SNX29: variants seen among roughly 807,000 people sequenced by gnomAD.
The protein encoded by SNX29 is sorting nexin 29.
In SNX29, 78 loss-of-function variants were observed where a neutral mutation model predicts 102.1. The ratio of observed to expected loss-of-function variants is 0.76; its 90% CI spans 0.64 to 0.92. SNX29 has a LOEUF of 0.92. SNX29 is among the 40% of genes least tolerant of loss of function. The pLI is 0.00. For missense variants in SNX29, 1,280 were observed against 1,061.7 expected, an observed-to-expected ratio of 1.21 and a Z score of -2.86; for synonymous variants, 580 against 414.5, an observed-to-expected ratio of 1.40 and a Z score of -4.85.
At chr16:12,416,428 T>G (rs1052833270) in intron 18 of SNX29, among the ~76,000 whole-genome samples, 1 of 152,158 alleles carries the variant, frequency 6.6e-6, no homozygotes, top group Non-Finnish European at 1.5e-5. Context: ...TCTGAATGTT[T>G]CCACCACAAA....
intron 13 of SNX29, among the ~76,000 whole-genome samples, chr16:12,150,892 T>G (rs1159713091): frequency 2.0e-5 from 3 of 152,098 alleles, no homozygotes; most frequent in African/African-American, 7.2e-5. Flanking sequence ...TGGAGGAGGG[T>G]ATGAGGCCGG....
chr16:12,274,712 G>T (rs796530081), intron 14 of SNX29, among the ~76,000 whole-genome samples: 3 of 151,878 alleles, frequency 2.0e-5, no homozygotes, highest in East Asian at 1.9e-4. Flanking sequence ...AATTTTTGTG[G>T]TTTTTGCAGA....
chr16:12,137,221 C>A (rs910657616), intron 13 of SNX29, among the ~76,000 whole-genome samples: 1 of 152,214 alleles, frequency 6.6e-6, no homozygotes, highest in Non-Finnish European at 1.5e-5. Context: ...TAGCTCCAGG[C>A]CCTCAGTAAG....
chr16:12,543,711 GAATT>G (rs1439124117), intron 20 of SNX29, among the ~76,000 whole-genome samples: 3 of 152,216 alleles, frequency 2.0e-5, no homozygotes, highest in African/African-American at 7.2e-5. Flanking sequence ...TTAACCACGG[GAATT>G]AATGAATTTT....
At chr16:12,558,199 C>G (rs1375667789) in intron 20 of SNX29, among the ~76,000 whole-genome samples, 1 of 146,322 alleles carries the variant, frequency 6.8e-6, no homozygotes, top group Non-Finnish European at 1.5e-5. Context: ...TTACGGTTTA[C>G]TCCAGCAGAA....
In SNX29 at chr16:12,551,116, T is replaced by C. The variant is rs186242366; in HGVS notation, c.2319-17390T>C. 2.6e-5 allele frequency among the ~76,000 whole-genome samples: 4 copies of C among 152,214 alleles called. No homozygotes were observed. In the East Asian group the frequency reaches 7.7e-4, roughly 29 times the overall value. Reference sequence around the variant, plus strand: ...TGCTTGGATGAAATCTGGTGTGAAATAATGGAACAGTGGTCCACAGCTGCC... The same window carrying C: ...TGCTTGGATGAAATCTGGTGTGAAACAATGGAACAGTGGTCCACAGCTGCC... On this transcript the variant is annotated intron_variant, in intron 20 of 20. Coordinates refer to ENST00000566228, the MANE Select transcript of SNX29 (RefSeq NM_032167.5).
chr16:12,463,600 TG>T (rs1415914674), intron 18 of SNX29, among the ~76,000 whole-genome samples: 1 of 152,142 alleles, frequency 6.6e-6, no homozygotes, highest in African/African-American at 2.4e-5. Context: ...CCACAACACG[TG>T]GGAATTATGG....
intron 10 of SNX29, among the ~76,000 whole-genome samples, chr16:12,073,597 C>G (rs2051404521): frequency 6.6e-6 from 1 of 151,996 alleles, no homozygotes. Flanking sequence ...ACTATGTGGT[C>G]AATTTTGGAA....
At chr16:12,313,436 G>A (rs994867425) in intron 15 of SNX29, among the ~76,000 whole-genome samples, 1 of 152,186 alleles carries the variant, frequency 6.6e-6, no homozygotes, top group Admixed American at 6.5e-5. Flanking sequence ...TCACCCCAGG[G>A]CCTTTATACC....
At chr16:12,535,677 C>T (rs988797185) in intron 20 of SNX29, among the ~76,000 whole-genome samples, 3 of 152,120 alleles carry the variant, frequency 2.0e-5, no homozygotes, top group Admixed American at 6.6e-5. Context: ...TGGGGCTTTC[C>T]AGGTCCTGCA....
intron 18 of SNX29, among the ~76,000 whole-genome samples, chr16:12,443,520 T>A (rs1027824499): frequency 6.6e-6 from 1 of 152,196 alleles, no homozygotes; most frequent in Non-Finnish European, 1.5e-5. Flanking sequence ...TGGTGCTATC[T>A]TGGTTCACTA....
rs556218429 is a variant in SNX29 at position 12,542,817 on chromosome 16, A to G, written c.2318+17976A>G. On this transcript the variant is annotated intron_variant, in intron 20 of 20. Transcript: ENST00000566228. The stretch of plus-strand genomic sequence containing the variant: ...ATCAGCAAGTAAGTGAAGTTAAAGC[A>G]TCCTGTAAGGTGTGTGGACCCATGA... Among the ~76,000 whole-genome samples, 13 of 152,078 alleles carry G rather than the reference A, an allele frequency of 8.5e-5. 1 individual carries two copies. Among genetic ancestry groups the G allele is most frequent in the Middle Eastern group, 6.8e-3 (2 of 294 alleles).
intron 15 of SNX29, among the ~76,000 whole-genome samples, chr16:12,289,789 G>A (rs561245025): frequency 3.9e-5 from 6 of 152,104 alleles, no homozygotes; most frequent in East Asian, 1.9e-4. Context: ...TCTTTGAGGC[G>A]GGAAGTGGCT....
chr16:12,445,431 A>G (rs1194822686), intron 18 of SNX29, among the ~76,000 whole-genome samples: 1 of 152,152 alleles, frequency 6.6e-6, no homozygotes, highest in African/African-American at 2.4e-5. Flanking sequence ...TCCTGTGTGC[A>G]TCTCCCCAGG....
At chr16:12,557,090 C>T (rs975200701) in intron 20 of SNX29, among the ~76,000 whole-genome samples, 5 of 150,534 alleles carry the variant, frequency 3.3e-5, no homozygotes, top group Non-Finnish European at 5.9e-5. Flanking sequence ...CTCAAGCCAT[C>T]TAGCTGCCTC....
At chr16:12,006,469 T>G (rs11859213) in intron 3 of SNX29, among the ~76,000 whole-genome samples, 62,040 of 148,690 alleles carry the variant, frequency 0.42, 14,079 homozygotes, top group Non-Finnish European at 0.52. Flanking sequence ...TGAGCCGAGA[T>G]TGCGCCATTG....
At chr16:12,207,549 C>G (rs947366328) in intron 14 of SNX29, among the ~76,000 whole-genome samples, 2 of 152,114 alleles carry the variant, frequency 1.3e-5, no homozygotes, top group Admixed American at 6.6e-5. Context: ...CGCAGTGTCT[C>G]GCTCTCACTG....
At chr16:12,473,554 A>G (rs994218758) in intron 18 of SNX29, among the ~76,000 whole-genome samples, 1 of 152,222 alleles carries the variant, frequency 6.6e-6, no homozygotes, top group Non-Finnish European at 1.5e-5. Context: ...TGTTTGAACC[A>G]GAGCAACTCC....
intron 15 of SNX29, among the ~76,000 whole-genome samples, chr16:12,326,766 G>GC (rs35849271): frequency 0.98 from 149,115 of 152,270 alleles, 73,097 homozygotes; most frequent in Middle Eastern, 1. Context: ...TATTATACTA[G>GC]CTTGTGGTAC....
Sources: gnomAD v4.1 joint callset for allele counts (sites outside exome capture counted in the v4.1 genomes callset) on GRCh38, gnomAD v4.1.1 for gene constraint, MANE v1.5 for transcripts, NCBI Gene and HGNC (gene_info 2026-07-23, HGNC 2026-07-21) for gene names.